The following ADAMTS16 variants were observed in gnomAD, a reference collection of about 807,000 sequenced individuals.
The protein encoded by ADAMTS16 is ADAM metallopeptidase with thrombospondin type 1 motif 16, also known as A disintegrin and metalloproteinase with thrombospondin motifs 16.
In ADAMTS16, 94 loss-of-function variants were observed where a neutral mutation model predicts 145.8. That is an observed-to-expected ratio of 0.64 (90% confidence interval 0.55 to 0.77). ADAMTS16 has a LOEUF of 0.77. Among genes scored for constraint, ADAMTS16 ranks in the 30% least tolerant of loss-of-function variants. ADAMTS16 has a pLI of 0.00. For missense variants in ADAMTS16, 1,585 were observed against 1,591.5 expected (o/e 1.00, Z 0.07); for synonymous variants, 659 against 604.3 (o/e 1.09, Z -1.33).
At chr5:5,277,414 G>A (rs1276239052) in intron 18 of ADAMTS16, among the ~76,000 whole-genome samples, 1 of 152,168 alleles carries the variant, frequency 6.6e-6, no homozygotes, top group East Asian at 1.9e-4. Flanking sequence ...GCTAGAGAGG[G>A]GCGCTTGCTC....
At chr5:5,301,222 C>A (rs1308458839) in intron 18 of ADAMTS16, among the ~76,000 whole-genome samples, 1 of 152,054 alleles carries the variant, frequency 6.6e-6, no homozygotes, top group Admixed American at 6.5e-5. Flanking sequence ...CCTCACCCAG[C>A]TAATTTTTGT....
intron 21 of ADAMTS16, among the ~76,000 whole-genome samples, chr5:5,307,319 A>G (rs935992769): frequency 3.3e-5 from 5 of 152,200 alleles, no homozygotes; most frequent in African/African-American, 1.2e-4. Flanking sequence ...GCACACTGCA[A>G]GCGTGTGCAC....
chr5:5,222,910 A>G (rs1236918546), intron 11 of ADAMTS16, 26 bp downstream of exon 11: 1 of 1,602,818 alleles, frequency 6.2e-7, no homozygotes, highest in East Asian at 2.2e-5. Context: ...TAGGTACAGC[A>G]TCGTATTCAG....
At chr5:5,229,331 C>A (rs1280692537) in intron 11 of ADAMTS16, among the ~76,000 whole-genome samples, 2 of 143,874 alleles carry the variant, frequency 1.4e-5, no homozygotes, top group African/African-American at 2.6e-5. Flanking sequence ...AAAAGAAGTT[C>A]TAAGTTGCTA....
chr5:5,226,278 C>T (rs183048713), intron 11 of ADAMTS16, among the ~76,000 whole-genome samples: 2 of 152,244 alleles, frequency 1.3e-5, no homozygotes, highest in East Asian at 1.9e-4. Context: ...GGGGAGGCCT[C>T]GCAATCATGG....
intron 3 of ADAMTS16, among the ~76,000 whole-genome samples, chr5:5,171,575 G>C (rs1735043034): frequency 6.6e-6 from 1 of 152,156 alleles, no homozygotes; most frequent in Non-Finnish European, 1.5e-5. Flanking sequence ...GTATCACATT[G>C]ATTGATTTGT....
At chr5:5,300,028 G>C (rs4535428) in intron 18 of ADAMTS16, among the ~76,000 whole-genome samples, 112,406 of 152,138 alleles carry the variant, frequency 0.74, 41,951 homozygotes, top group South Asian at 0.82. Context: ...AAGGAGCTTT[G>C]TTCAGGAGGA....
chr5:5,198,538 G>A (rs1193056154), intron 8 of ADAMTS16, among the ~76,000 whole-genome samples: 5 of 152,072 alleles, frequency 3.3e-5, no homozygotes, highest in Non-Finnish European at 1.5e-5. Context: ...GCCTTGACTC[G>A]GTAACCCTGG....
intron 9 of ADAMTS16, among the ~76,000 whole-genome samples, chr5:5,207,132 A>G (rs546985336): frequency 1.3e-5 from 2 of 152,296 alleles, no homozygotes; most frequent in South Asian, 4.1e-4. Flanking sequence ...CTATAGATTA[A>G]AATGGGAAGA....
rs147481718 is a variant in ADAMTS16, at chr5:5,155,928, G to A, written c.501+9473G>A. On this transcript the variant is annotated intron_variant, in intron 3 of 22. Coordinates refer to ENST00000274181, the MANE Select transcript of ADAMTS16 (RefSeq NM_139056.4). ...CACTGGGATGGACAGGAGGTCCACA[G>A]GGAACAGACAGAAAGTGAGGAGGCA... Among the ~76,000 whole-genome samples the A allele has an allele frequency of 1.0e-3, 155 of 152,266 alleles. 2 individuals are homozygous for A. Among genetic ancestry groups the A allele is most frequent in the African/African-American group, 3.6e-3 (150 of 41,558 alleles).
Position 5,233,742 on chromosome 5 carries a change from T to C in ADAMTS16, c.1850+1226T>C, listed in dbSNP as rs993879651. On this transcript the variant is annotated intron_variant, in intron 12 of 22. Coordinates refer to ENST00000274181, the MANE Select transcript of ADAMTS16 (RefSeq NM_139056.4). Reference sequence around the variant, plus strand: ...CACATTTTCATTATCTGGTCTAACATTGATGGGCGTTTAGGTTGACTCCAT... The same window carrying C: ...CACATTTTCATTATCTGGTCTAACACTGATGGGCGTTTAGGTTGACTCCAT... 6.6e-5 allele frequency among the ~76,000 whole-genome samples: 10 copies of C among 152,348 alleles called. No homozygotes were observed. In the East Asian group the frequency reaches 1.2e-3, roughly 18 times the overall value.
intron 16 of ADAMTS16, among the ~76,000 whole-genome samples, chr5:5,240,548 C>G (rs1021697247): frequency 2.6e-5 from 4 of 152,200 alleles, no homozygotes; most frequent in Non-Finnish European, 5.9e-5. Flanking sequence ...TCTAACTCCC[C>G]ACCTTGTTAT....
chr5:5,223,136 A>T (rs1481090161), intron 11 of ADAMTS16: 6 of 499,112 alleles, frequency 1.2e-5, no homozygotes, highest in Non-Finnish European at 1.1e-5. Flanking sequence ...ACAGGTGATG[A>T]CAGATTCAGT....
chr5:5,309,727 A>C (rs916406455), intron 21 of ADAMTS16, among the ~76,000 whole-genome samples: 1 of 152,016 alleles, frequency 6.6e-6, no homozygotes, highest in Admixed American at 6.6e-5. Flanking sequence ...CTGGCTGCTG[A>C]CCCATGATGC....
At chr5:5,300,932 T>C (rs11134109) in intron 18 of ADAMTS16, among the ~76,000 whole-genome samples, 112,389 of 152,160 alleles carry the variant, frequency 0.74, 41,932 homozygotes, top group South Asian at 0.82. Context: ...ACCTTTTTGA[T>C]TGTATTTTCT....
chr5:5,298,842 A>T (rs1007824636), intron 18 of ADAMTS16, among the ~76,000 whole-genome samples: 3 of 152,178 alleles, frequency 2.0e-5, no homozygotes, highest in African/African-American at 7.2e-5. Flanking sequence ...CCCCTGGGCC[A>T]TTGAGTCTGC....
In ADAMTS16 at chr5:5,191,805, A is replaced by G. The variant is rs769671225; in HGVS notation, c.1313+15A>G. 1 of 1,565,188 alleles carries G rather than the reference A, an allele frequency of 6.4e-7. No homozygotes were observed. Among genetic ancestry groups the G allele is most frequent in the Non-Finnish European group, 8.7e-7 (1 of 1,146,056 alleles). On this transcript the variant is annotated intron_variant, in intron 8 of 22. Transcript: ENST00000274181. ...TCTGGACACAAGTAAGTGCATCTCC[A>G]TGGGAGGATGGCATCCCGAGTTTTT...
chr5:5,206,222 C>T (rs1245094385), intron 9 of ADAMTS16, among the ~76,000 whole-genome samples: 7 of 150,154 alleles, frequency 4.7e-5, no homozygotes, highest in Non-Finnish European at 7.4e-5. Flanking sequence ...GTCAGGAGAT[C>T]GAGACCATCC....
At position 5,226,432 on chromosome 5, in the gene ADAMTS16, C is replaced by G. The variant is rs1245892154; in HGVS notation, c.1701+3548C>G. 2.6e-5 allele frequency among the ~76,000 whole-genome samples: 4 copies of G among 152,274 alleles called. No individual in the cohort carries two copies. The East Asian group carries it at 7.7e-4, about 29-fold the overall frequency. Reference sequence around the variant, plus strand: ...AGAACAGCATGGGAAAGACCCGCCCCCATGATTCAATTACCTCCTACCAGG... The same window carrying G: ...AGAACAGCATGGGAAAGACCCGCCCGCATGATTCAATTACCTCCTACCAGG... On this transcript the variant is annotated intron_variant, in intron 11 of 22. Transcript: ENST00000274181.
Sources: allele counts gnomAD v4.1 joint callset (sites outside exome capture counted in the v4.1 genomes callset), GRCh38; gene constraint gnomAD v4.1.1; transcripts MANE v1.5; gene names NCBI Gene and HGNC (gene_info 2026-07-23, HGNC 2026-07-21).